Variants in LAMB4 observed in about 807,000 individuals in gnomAD.
The protein encoded by LAMB4 is laminin subunit beta 4.
In LAMB4, 196 loss-of-function variants were observed where a neutral mutation model predicts 199.2. That is an observed-to-expected ratio of 0.98 (90% CI 0.88 to 1.11). LAMB4 has a LOEUF of 1.11. Among genes scored for constraint, LAMB4 ranks in the 50% least tolerant of loss-of-function variants. The probability of loss-of-function intolerance (pLI) is 0.00; values close to 1 mark genes in which losing one functional copy is unlikely to be tolerated. For missense variants in LAMB4, 2,080 were observed against 2,171.2 expected (o/e 0.96, Z 0.83); for synonymous variants, 744 against 770.6 (o/e 0.97, Z 0.57).
At chr7:108,022,627 C>T (rs573116186), downstream of LAMB4, among the ~76,000 whole-genome samples, 2 of 151,988 alleles carry the variant, frequency 1.3e-5, no homozygotes, top group African/African-American at 4.8e-5. Flanking sequence ...ATATGTGAAC[C>T]ATTGTAATTA....
At chr7:108,069,034 G>C (rs796458045) in intron 18 of LAMB4, among the ~76,000 whole-genome samples, 47 of 152,184 alleles carry the variant, frequency 3.1e-4, no homozygotes, top group African/African-American at 1.0e-3. Context: ...TTCATGACAT[G>C]GTGGGTACCC....
chr7:108,040,484 A>T (rs1471933143), intron 29 of LAMB4, among the ~76,000 whole-genome samples: 1 of 152,244 alleles, frequency 6.6e-6, no homozygotes, highest in African/African-American at 2.4e-5. Flanking sequence ...ACAGCTAGAG[A>T]CATCGTGCTA....
In LAMB4 at chr7:108,078,223, A is replaced by G. The variant is rs1240080121; in HGVS notation, c.1981T>C (p.Phe661Leu). The G allele has an allele frequency of 2.5e-6, 4 of 1,610,142 alleles. No homozygotes were observed. Among genetic ancestry groups the G allele is most frequent in the Non-Finnish European group, 8.5e-7 (1 of 1,178,076 alleles). ...PKTLQSKPQS[F>L]ALPAATRIML... The stretch of plus-strand genomic sequence containing the variant: ...TACCTCGTAGCCGCTGGTAAGGCAA[A>G]AGACTGAGGCTTTGACTGTAGAGTC... Residue 661 changes from phenylalanine to leucine, a missense_variant, in exon 16 of 34, where the codon TTT becomes CTT. Phe to Leu is a conservative substitution (Grantham distance 22). Coordinates refer to ENST00000388781, the MANE Select transcript of LAMB4 (RefSeq NM_007356.3).
intron 5 of LAMB4, among the ~76,000 whole-genome samples, 181 bp downstream of exon 5, chr7:108,108,990 T>C (rs1040969688): frequency 6.6e-6 from 1 of 152,174 alleles, no homozygotes; most frequent in African/African-American, 2.4e-5. Context: ...GTCATGGTCA[T>C]TGATTTTTAA....
chr7:108,070,685 T>C (rs2036502929), intron 17 of LAMB4, among the ~76,000 whole-genome samples: 2 of 152,206 alleles, frequency 1.3e-5, no homozygotes, highest in Non-Finnish European at 2.9e-5. Context: ...ACAAAATATA[T>C]ATTAATTGGC....
intron 6 of LAMB4, among the ~76,000 whole-genome samples, chr7:108,107,253 T>C (rs1017854344): frequency 4.6e-5 from 7 of 152,218 alleles, no homozygotes; most frequent in Non-Finnish European, 8.8e-5. Flanking sequence ...CAGAGGGATG[T>C]TCCCGGCAGA....
intron 15 of LAMB4, among the ~76,000 whole-genome samples, chr7:108,078,857 T>C (rs1382188877): frequency 6.6e-6 from 1 of 152,190 alleles, no homozygotes; most frequent in Non-Finnish European, 1.5e-5. Context: ...CTTTCACTTG[T>C]AAGTAAGAAA....
At chr7:108,075,218 A>C (rs2036657147) in intron 17 of LAMB4, among the ~76,000 whole-genome samples, 1 of 152,228 alleles carries the variant, frequency 6.6e-6, no homozygotes, top group Non-Finnish European at 1.5e-5. Context: ...ATGACGGTTT[A>C]AAATTCCCAA....
In LAMB4 at chr7:108,078,012, C is replaced by A. The variant is rs554764236; in HGVS notation, c.2003+189G>T. 5.3e-5 allele frequency among the ~76,000 whole-genome samples: 8 copies of A among 152,310 alleles called. No individual in the cohort carries two copies. The East Asian group carries it at 1.5e-3, about 29-fold the overall frequency. ...TCTAACGAAGACAAAACCTGCCGTACTGAGTTGTTATGAAGATTAAAAGTG... is the reference window on the plus strand; with the variant it reads ...TCTAACGAAGACAAAACCTGCCGTAATGAGTTGTTATGAAGATTAAAAGTG... On this transcript the variant is annotated intron_variant, in intron 16 of 33. Transcript: ENST00000388781.
At chr7:108,069,130 C>A (rs899209645) in intron 18 of LAMB4, among the ~76,000 whole-genome samples, 1 of 152,210 alleles carries the variant, frequency 6.6e-6, no homozygotes, top group Non-Finnish European at 1.5e-5. Flanking sequence ...CACTCTATAG[C>A]CATGCTTCTC....
intron 4 of LAMB4, among the ~76,000 whole-genome samples, chr7:108,110,944 C>A (rs1252059312): frequency 7.5e-6 from 1 of 132,796 alleles, no homozygotes; most frequent in Admixed American, 8.2e-5. Context: ...TGATTATTCC[C>A]ACACTCCCTT....
At chr7:108,097,521 C>T (rs981723804) in intron 11 of LAMB4, among the ~76,000 whole-genome samples, 1 of 152,336 alleles carries the variant, frequency 6.6e-6, no homozygotes, top group South Asian at 2.1e-4. Flanking sequence ...CATGGCGGCT[C>T]ACGCCTGTAA....
intron 18 of LAMB4, among the ~76,000 whole-genome samples, chr7:108,068,666 AC>A (rs2036428221): frequency 6.6e-6 from 1 of 151,088 alleles, no homozygotes; most frequent in Admixed American, 6.6e-5. Context: ...CTGCCACCAT[AC>A]CCCTTACTAG....
intron 14 of LAMB4, among the ~76,000 whole-genome samples, chr7:108,087,517 G>A (rs185025828): frequency 3.9e-4 from 59 of 152,338 alleles, no homozygotes; most frequent in Admixed American, 2.9e-3. Context: ...TCTGACTTTC[G>A]TGAATAACAA....
chr7:108,062,226 A>G (rs549644090), intron 23 of LAMB4, among the ~76,000 whole-genome samples: 20 of 152,212 alleles, frequency 1.3e-4, no homozygotes, highest in Non-Finnish European at 2.6e-4. Flanking sequence ...CTATCTATGT[A>G]GTATTAGTTG....
chr7:108,110,317 C>T (rs1474566063), intron 4 of LAMB4, among the ~76,000 whole-genome samples: 1 of 152,248 alleles, frequency 6.6e-6, no homozygotes, highest in African/African-American at 2.4e-5. Flanking sequence ...GTGTGAGCCA[C>T]TGCACCCTGC....
intron 29 of LAMB4, among the ~76,000 whole-genome samples, chr7:108,038,981 G>A (rs558511926): frequency 1.3e-5 from 2 of 152,314 alleles, no homozygotes; most frequent in South Asian, 4.1e-4. Context: ...GGGGTTCAGA[G>A]GAAGGAGAAA....
At chr7:108,073,045 C>T (rs959192765) in intron 17 of LAMB4, among the ~76,000 whole-genome samples, 2 of 152,198 alleles carry the variant, frequency 1.3e-5, no homozygotes, top group Non-Finnish European at 2.9e-5. Context: ...TGCTCTGCTG[C>T]CCAGGCCTGG....
intron 24 of LAMB4, among the ~76,000 whole-genome samples, chr7:108,056,208 C>A (rs2150534085): frequency 6.6e-6 from 1 of 152,338 alleles, no homozygotes; most frequent in Middle Eastern, 3.4e-3. Context: ...ACTAAGAAAT[C>A]AGTTTACTAT....
Sources: allele counts gnomAD v4.1 joint callset (sites outside exome capture counted in the v4.1 genomes callset), GRCh38; gene constraint gnomAD v4.1.1; transcripts MANE v1.5; gene names NCBI Gene and HGNC (gene_info 2026-07-23, HGNC 2026-07-21).